DCST2: variants seen among roughly 807,000 people sequenced by gnomAD.
DCST2 encodes DC-STAMP domain-containing protein 2.
Under a neutral mutation model 81.8 loss-of-function variants are expected in DCST2, and 64 were observed. The observed-to-expected ratio is 0.78, with a 90% CI of 0.64 to 0.96. The LOEUF (loss-of-function observed/expected upper bound fraction) is 0.96. Ranked by LOEUF, DCST2 falls within the 40% of genes least tolerant of loss-of-function variation. The probability of loss-of-function intolerance (pLI) is 0.00; values close to 1 mark genes in which losing one functional copy is unlikely to be tolerated. For synonymous variants in DCST2, 354 were observed against 402.6 expected (o/e 0.88, Z 1.44); for missense variants, 945 against 1,001.4 (o/e 0.94, Z 0.76).
chr1:155,031,863 G>A, intron 3 of DCST2, 92 bp from the exon 4 acceptor site: 1 of 1,342,398 alleles, frequency 7.4e-7, no homozygotes, highest in Non-Finnish European at 1.0e-6. Flanking sequence ...TCCAGGGCTG[G>A]AGAGGCCTGT....
At position 155,029,417 on chromosome 1, in the gene DCST2, T is replaced by C; in HGVS notation, c.1178-20A>G. ...TGGAGCCTGAGCAGGAGTGGGATGG[T>C]CAGGAGGATGCTCCCCAGTTCTCCC... On this transcript the variant is annotated intron_variant, in intron 7 of 14. Transcript: ENST00000368424. 6.2e-7 allele frequency: 1 copy of C among 1,610,792 alleles called. No homozygotes were observed. The highest frequency in any genetic ancestry group is 1.7e-5 in the Admixed American group (1 of 59,712).
In DCST2 at chr1:155,033,262, G is replaced by T. The variant is rs375920803; in HGVS notation, c.271C>A (p.Gln91Lys). Residue 91 changes from glutamine to lysine, a missense_variant and splice_region_variant, in exon 2 of 15, where the codon CAG becomes AAG. By Grantham distance (53) the Gln-to-Lys change is moderately conservative. Coordinates refer to ENST00000368424, the MANE Select transcript of DCST2 (RefSeq NM_144622.3). ...GCCACCAACAGTAGTGTCCGGCCCTGCCCTGGGGGCGACAGCTTTGTTAGA... is the reference window on the plus strand; with the variant it reads ...GCCACCAACAGTAGTGTCCGGCCCTTCCCTGGGGGCGACAGCTTTGTTAGA... The part of the protein sequence containing the change: ...LLLLPQAFSR[Q>K]GRTLLLVAAF... 4 of 1,607,662 alleles carry T rather than the reference G, an allele frequency of 2.5e-6. No individual in the cohort carries two copies. The highest frequency in any genetic ancestry group is 3.4e-6 in the Non-Finnish European group (4 of 1,177,612).
In DCST2 at chr1:155,033,382, G is replaced by T. The variant is rs1171310640; in HGVS notation, c.268+52C>A. 2.5e-6 allele frequency: 4 copies of T among 1,599,912 alleles called. No homozygotes were observed. The East Asian group carries it at 9.0e-5, about 36-fold the overall frequency. Reference sequence around the variant, plus strand: ...CTGCCTCTCCTCCAGCATCTCTTCTGCCCCAGCACCAGCCCCAGGACCTGC... The same window carrying T: ...CTGCCTCTCCTCCAGCATCTCTTCTTCCCCAGCACCAGCCCCAGGACCTGC... On this transcript the variant is annotated intron_variant, in intron 1 of 14. Transcript: ENST00000368424.
At chr1:155,024,051 T>TC (rs1659828680) in intron 11 of DCST2, 92 bp from the exon 12 acceptor site, 5 of 1,487,446 alleles carry the variant, frequency 3.4e-6, no homozygotes, top group Non-Finnish European at 3.6e-6. Context: ...AGGGAGGACT[T>TC]CCTGACTTCC....
intron 14 of DCST2, among the ~76,000 whole-genome samples, chr1:155,021,265 T>G (rs1659748169): frequency 1.3e-5 from 2 of 151,854 alleles, no homozygotes; most frequent in Admixed American, 1.3e-4. Flanking sequence ...CCTCCCAAAG[T>G]GCTGGGATTA....
intron 14 of DCST2, among the ~76,000 whole-genome samples, chr1:155,020,311 C>A (rs915038558): frequency 1.3e-5 from 2 of 152,176 alleles, no homozygotes; most frequent in African/African-American, 4.8e-5. Context: ...AGATTAAAAG[C>A]ATTATCAAAC....
At chr1:155,030,834 A>C (rs1423455272) in intron 5 of DCST2, 189 bp from the exon 6 acceptor site, 8 of 630,634 alleles carry the variant, frequency 1.3e-5, no homozygotes, top group African/African-American at 3.7e-5. Flanking sequence ...TCGCCATCAC[A>C]TGCTCAGCAC....
At chr1:155,032,575 G>A (rs923334069) in intron 3 of DCST2, 92 bp downstream of exon 3, 45 of 1,051,826 alleles carry the variant, frequency 4.3e-5, no homozygotes, top group South Asian at 9.7e-5. Context: ...CCTCGGCCTC[G>A]CAAAGTGCTG....
intron 8 of DCST2, 86 bp from the exon 9 acceptor site, chr1:155,026,801 A>C: frequency 2.0e-6 from 3 of 1,528,130 alleles, no homozygotes; most frequent in Non-Finnish European, 2.7e-6. Flanking sequence ...AAAGTGGAGC[A>C]GCGCAGGTCA....
At position 155,023,838 on chromosome 1, in the gene DCST2, A is replaced by G. The variant is rs1333294040; in HGVS notation, c.1864T>C (p.Cys622Arg). 6.2e-7 allele frequency: 1 copy of G among 1,613,596 alleles called. No individual in the cohort carries two copies. Among genetic ancestry groups the G allele is most frequent in the East Asian group, 2.2e-5 (1 of 44,884 alleles). Residue 622 changes from cysteine to arginine, a missense_variant, in exon 12 of 15, where the codon TGC (cysteine) becomes CGC (arginine). Coordinates refer to ENST00000368424, the MANE Select transcript of DCST2 (RefSeq NM_144622.3). ...ENTVSCSTPG[C>R]QGLYCLTCFR... ...ACGCCCCAGGGGGTCTCACCTTGGC[A>G]GCCGGGGGTACTGCAGGACACAGTG...
chr1:155,027,198 ATTTTTTTTT>A (rs900841532), intron 8 of DCST2, among the ~76,000 whole-genome samples: 5 of 94,180 alleles, frequency 5.3e-5, no homozygotes, highest in African/African-American at 1.7e-4. Flanking sequence ...ACGACCGGCT[ATTTTTTTTT>A]TTTTTTTTTT....
At position 155,023,461 on chromosome 1, in the gene DCST2, G is replaced by C; in HGVS notation, c.1871-4C>G. 2 of 1,586,020 alleles carry C rather than the reference G, an allele frequency of 1.3e-6. No homozygotes were observed. The highest frequency in any genetic ancestry group is 1.7e-6 in the Non-Finnish European group (2 of 1,165,786). ...AAGCAAGTGAGGCAGTAGAGACCTGGTGGAGGCCATGGGGAATGGAGGTGA... is the reference window on the plus strand; with the variant it reads ...AAGCAAGTGAGGCAGTAGAGACCTGCTGGAGGCCATGGGGAATGGAGGTGA... On this transcript the variant is annotated splice_region_variant and splice_polypyrimidine_tract_variant and intron_variant, in intron 12 of 14. Transcript: ENST00000368424.
intron 7 of DCST2, among the ~76,000 whole-genome samples, chr1:155,029,683 C>T (rs549009464): frequency 6.6e-6 from 1 of 152,200 alleles, no homozygotes; most frequent in East Asian, 1.9e-4. Context: ...CATCCCCTTA[C>T]CTGCCTCCCC....
chr1:155,027,550 A>ACTT (rs1659948645), intron 8 of DCST2, among the ~76,000 whole-genome samples: 1 of 103,758 alleles, frequency 9.6e-6, no homozygotes, highest in Non-Finnish European at 2.0e-5. Flanking sequence ...GGAGTTTTTT[A>ACTT]CTTCTTTTTT....
At chr1:155,028,557 C>T (rs999844875) in intron 8 of DCST2, among the ~76,000 whole-genome samples, 3 of 151,360 alleles carry the variant, frequency 2.0e-5, no homozygotes, top group Admixed American at 2.0e-4. Context: ...GCACTCCAGC[C>T]TGGGTGACAG....
At chr1:155,025,079 G>A (rs573685078) in intron 10 of DCST2, among the ~76,000 whole-genome samples, 1 of 151,334 alleles carries the variant, frequency 6.6e-6, no homozygotes, top group African/African-American at 2.4e-5. Context: ...CCCGGGAGGC[G>A]GAGGTTGTGG....
At position 155,026,309 on chromosome 1, in the gene DCST2, CG is replaced by C. The variant is rs1558099575; in HGVS notation, c.1603del (p.Arg535GlyfsTer14). 6.2e-7 allele frequency: 1 copy of C among 1,613,686 alleles called. No homozygotes were observed. The highest frequency in any genetic ancestry group is 8.5e-7 in the Non-Finnish European group (1 of 1,180,008). Reference protein sequence around the residue: ...RVICASYYPSREQERISYLYN... With the variant: ...RVICASYYPSXEQERISYLYN... ...CAGCCCCGGACCCCTCACCTGCTCC[CG>C]GGATGGGTAGTAGGAGGCACAGATG... On this transcript the variant is annotated frameshift_variant, in exon 10 of 15. Coordinates refer to ENST00000368424, the MANE Select transcript of DCST2 (RefSeq NM_144622.3). LOFTEE classifies it high-confidence loss of function.
In DCST2 at chr1:155,030,404, T is replaced by C. The variant is rs199541110; in HGVS notation, c.1019+28A>G. 5.8e-5 allele frequency: 94 copies of C among 1,607,052 alleles called. No homozygotes were observed. The African/African-American group carries it at 1.1e-3, about 19-fold the overall frequency. ...CTGGCCCTGCACCCCCGGCCCTGCA[T>C]CCCCCACGCTGCCCGGCAGCCCCTC... is the stretch of plus-strand genomic sequence containing the variant. On this transcript the variant is annotated intron_variant, in intron 6 of 14. Transcript: ENST00000368424.
At chr1:155,028,185 T>C (rs1659966396) in intron 8 of DCST2, among the ~76,000 whole-genome samples, 2 of 151,618 alleles carry the variant, frequency 1.3e-5, no homozygotes, top group South Asian at 4.2e-4. Flanking sequence ...CTCATCCTCC[T>C]AAAGTGCTAG....
Sources: allele counts gnomAD v4.1 joint callset (sites outside exome capture counted in the v4.1 genomes callset), GRCh38; gene constraint gnomAD v4.1.1; transcripts MANE v1.5; gene names NCBI Gene and HGNC (gene_info 2026-07-23, HGNC 2026-07-21).